The following PPP2R2B variants were observed in gnomAD, a reference collection of about 807,000 sequenced individuals.
PPP2R2B encodes the protein serine/threonine-protein phosphatase 2A 55 kDa regulatory subunit B beta isoform.
Under a neutral mutation model 46.0 loss-of-function variants are expected in PPP2R2B, and 5 were observed. That is an observed-to-expected ratio of 0.11 (90% confidence interval 0.06 to 0.23). The LOEUF is 0.23. PPP2R2B is among the 10% of genes least tolerant of loss of function. PPP2R2B has a pLI of 1.00. For synonymous variants in PPP2R2B, 215 were observed against 206.7 expected (o/e 1.04, Z -0.34); for missense variants, 367 against 575.0 (o/e 0.64, Z 3.70).
chr5:146,592,642 A>G (rs1321438662), intron 9 of PPP2R2B, among the ~76,000 whole-genome samples: 1 of 152,256 alleles, frequency 6.6e-6, no homozygotes, highest in East Asian at 1.9e-4. Flanking sequence ...TGAACTGTTC[A>G]GGCTGGAATT....
chr5:146,802,078 A>G (rs1188346791), intron 2 of PPP2R2B, among the ~76,000 whole-genome samples: 1 of 152,160 alleles, frequency 6.6e-6, no homozygotes, highest in African/African-American at 2.4e-5. Flanking sequence ...ATATTCTCAG[A>G]CCTTCCTGAA....
intron 1 of PPP2R2B, among the ~76,000 whole-genome samples, chr5:146,941,471 A>G (rs1193253989): frequency 6.6e-6 from 1 of 152,184 alleles, no homozygotes. Context: ...TCAGAGAAGG[A>G]GGAGTCTTTG....
intron 2 of PPP2R2B, among the ~76,000 whole-genome samples, chr5:146,858,144 G>A (rs1760786185): frequency 6.6e-6 from 1 of 152,154 alleles, no homozygotes; most frequent in African/African-American, 2.4e-5. Flanking sequence ...TTACAGATGA[G>A]GCACCTGGGC....
chr5:147,015,909 T>C (rs1754984931), intron 1 of PPP2R2B, among the ~76,000 whole-genome samples: 1 of 151,496 alleles, frequency 6.6e-6, no homozygotes, highest in African/African-American at 2.4e-5. Flanking sequence ...CATCTCTTCC[T>C]TGAAATACGA....
chr5:147,017,925 G>A (rs1755080664), intron 1 of PPP2R2B, among the ~76,000 whole-genome samples: 1 of 152,000 alleles, frequency 6.6e-6, no homozygotes, highest in East Asian at 1.9e-4. Context: ...TCTTTAAGCA[G>A]CAATTAAGGC....
intron 2 of PPP2R2B, among the ~76,000 whole-genome samples, chr5:146,726,167 C>T (rs2151199763): frequency 6.6e-6 from 1 of 152,264 alleles, no homozygotes; most frequent in East Asian, 1.9e-4. Context: ...AGGCACCATC[C>T]TCTAAAGCCT....
rs1327051562 is a variant in PPP2R2B at position 146,589,582 on chromosome 5, T to C, written c.*365A>G. The C allele has an allele frequency of 2.3e-5, 4 of 174,230 alleles. No homozygotes were observed. Among genetic ancestry groups the C allele is most frequent in the Non-Finnish European group, 3.6e-5 (3 of 82,438 alleles). The allele number at this position is 174,230 out of a possible 1,614,324, so 10.8% of individuals were successfully genotyped here. A position where few individuals can be genotyped will look rare whatever the true frequency, so the allele number is the denominator to read the frequency against. On this transcript the variant is annotated 3_prime_UTR_variant, in exon 10 of 10. Coordinates refer to ENST00000394411, the MANE Select transcript of PPP2R2B (RefSeq NM_181675.4). ...GAATTGCTTAATTAAAAAAAACTTA[T>C]CTCTTTTCTCCTTAAATACTACAGA... is the stretch of plus-strand genomic sequence containing the variant.
intron 1 of PPP2R2B, among the ~76,000 whole-genome samples, chr5:146,971,685 A>T (rs1309509984): frequency 6.6e-6 from 1 of 152,186 alleles, no homozygotes. Context: ...TAAAAGTTCC[A>T]ATTTATACTT....
rs560282656 is a variant in PPP2R2B at position 147,075,355 on chromosome 5, T to C, written c.50+5704A>G. On this transcript the variant is annotated intron_variant, in intron 2 of 10. Transcript: ENST00000394413. The stretch of plus-strand genomic sequence containing the variant: ...GGCATCCTAACCACCAGCATAACAG[T>C]GTAAGTTTAGGTCATCAACAAATTG... Among the ~76,000 whole-genome samples, 11 of 152,242 alleles carry C rather than the reference T, an allele frequency of 7.2e-5. No homozygotes were observed. In the East Asian group the frequency reaches 1.9e-3, roughly 27 times the overall value.
chr5:146,709,933 C>T (rs1780123826), intron 2 of PPP2R2B, among the ~76,000 whole-genome samples: 1 of 152,134 alleles, frequency 6.6e-6, no homozygotes, highest in Non-Finnish European at 1.5e-5. Flanking sequence ...TTGCACAGGG[C>T]CAGGTTATTA....
At chr5:146,781,009 AGAT>A (rs372043052) in intron 2 of PPP2R2B, among the ~76,000 whole-genome samples, 7 of 151,286 alleles carry the variant, frequency 4.6e-5, no homozygotes, top group African/African-American at 1.7e-4. Context: ...TCCACATTTC[AGAT>A]GATGATGATG....
intron 2 of PPP2R2B, among the ~76,000 whole-genome samples, chr5:146,745,160 C>CAGAGAGAG (rs747573157): frequency 0.019 from 1,830 of 94,822 alleles, 43 homozygotes; most frequent in East Asian, 0.072. Context: ...CAGAGAAAGA[C>CAGAGAGAG]AGAGAGAGAG....
intron 5 of PPP2R2B, among the ~76,000 whole-genome samples, chr5:146,680,751 T>C (rs944061417): frequency 6.6e-6 from 1 of 152,160 alleles, no homozygotes; most frequent in Non-Finnish European, 1.5e-5. Context: ...AATAAACTCA[T>C]CTGATCACAA....
At chr5:146,759,024 A>C (rs768193976) in intron 2 of PPP2R2B, among the ~76,000 whole-genome samples, 2 of 151,994 alleles carry the variant, frequency 1.3e-5, no homozygotes, top group Admixed American at 1.3e-4. Context: ...ACAAAAACTT[A>C]CTTATTTTAT....
chr5:147,080,107 A>G (rs1005082909), intron 2 of PPP2R2B, among the ~76,000 whole-genome samples: 8 of 152,216 alleles, frequency 5.3e-5, no homozygotes, highest in African/African-American at 1.9e-4. Context: ...AAGATTTTAA[A>G]TAAACTGCCT....
intron 1 of PPP2R2B, among the ~76,000 whole-genome samples, chr5:146,890,566 A>G (rs1378025190): frequency 6.6e-6 from 1 of 152,224 alleles, no homozygotes; most frequent in Non-Finnish European, 1.5e-5. Context: ...TTACTGTACT[A>G]GTGTGATAAG....
At chr5:146,725,154 G>A (rs1163733749) in intron 2 of PPP2R2B, among the ~76,000 whole-genome samples, 1 of 152,092 alleles carries the variant, frequency 6.6e-6, no homozygotes, top group Non-Finnish European at 1.5e-5. Flanking sequence ...AGTCATGCCT[G>A]GAGCCTGGAG....
At chr5:146,673,573 T>C (rs1777512958) in intron 5 of PPP2R2B, among the ~76,000 whole-genome samples, 1 of 152,160 alleles carries the variant, frequency 6.6e-6, no homozygotes, top group Non-Finnish European at 1.5e-5. Flanking sequence ...TGGCCCAGGC[T>C]GAGAATTCTG....
At chr5:146,994,198 C>T (rs539124006) in intron 1 of PPP2R2B, among the ~76,000 whole-genome samples, 2 of 152,228 alleles carry the variant, frequency 1.3e-5, no homozygotes, top group Admixed American at 1.3e-4. Context: ...CCATATGTTG[C>T]TAGAGCCAAG....
Sources: allele counts gnomAD v4.1 joint callset (sites outside exome capture counted in the v4.1 genomes callset), GRCh38; gene constraint gnomAD v4.1.1; transcripts MANE v1.5; gene names NCBI Gene and HGNC (gene_info 2026-07-23, HGNC 2026-07-21).